Variants in TNC observed in about 807,000 individuals in gnomAD.
The protein encoded by TNC is tenascin C.
A neutral mutation model predicts 202.4 loss-of-function variants in TNC; 109 were observed. That is an observed-to-expected ratio of 0.54 (90% CI 0.46 to 0.63). The LOEUF (loss-of-function observed/expected upper bound fraction) is 0.63. Among genes scored for constraint, TNC ranks in the 30% least tolerant of loss-of-function variants. The pLI is 0.00. For synonymous variants in TNC, 1,007 were observed against 1,089.7 expected, an observed-to-expected ratio of 0.92 and a Z score of 1.50; for missense variants, 2,756 against 2,833.3, an observed-to-expected ratio of 0.97 and a Z score of 0.62.
At chr9:115,116,178 G>A (rs1253578566) in intron 1 of TNC, among the ~76,000 whole-genome samples, 2 of 152,184 alleles carry the variant, frequency 1.3e-5, no homozygotes, top group Non-Finnish European at 2.9e-5. Context: ...AGTGGGGAAG[G>A]AGGAGGTTAG....
Position 115,057,187 on chromosome 9 carries a change from G to T in TNC, c.4545C>A (p.Ile1515=). 6.2e-7 allele frequency: 1 copy of T among 1,613,876 alleles called. No homozygotes were observed. Among genetic ancestry groups the T allele is most frequent in the Non-Finnish European group, 8.5e-7 (1 of 1,179,886 alleles). The change falls in exon 15 of 28, where the codon ATC becomes ATA. Residue 1515 remains isoleucine, a synonymous_variant. Transcript: ENST00000350763. ...IVYLSGLAPS[I]RTKTISATAT... ...CTGTGGCACTGATGGTTTTGGTCCG[G>T]ATGCTGGGAGCAAGTCCAGAGAGGT... is the stretch of plus-strand genomic sequence containing the variant.
At chr9:115,039,166 T>C (rs1438715188) in intron 19 of TNC, among the ~76,000 whole-genome samples, 5 of 152,174 alleles carry the variant, frequency 3.3e-5, no homozygotes, top group African/African-American at 1.2e-4. Context: ...TATTTCTCCT[T>C]AGATGGCTTG....
At chr9:115,100,925 A>C (rs1003012498) in intron 1 of TNC, among the ~76,000 whole-genome samples, 4 of 152,240 alleles carry the variant, frequency 2.6e-5, no homozygotes, top group African/African-American at 9.6e-5. Flanking sequence ...AATGCATATG[A>C]AAGTCTTTCA....
intron 14 of TNC, among the ~76,000 whole-genome samples, chr9:115,058,738 A>T (rs1187246619): frequency 2.0e-5 from 3 of 152,218 alleles, no homozygotes; most frequent in Non-Finnish European, 2.9e-5. Flanking sequence ...ATAATTATTT[A>T]AAAAGGGGAG....
chr9:115,053,475 G>A (rs1270206196), intron 15 of TNC, among the ~76,000 whole-genome samples: 1 of 152,192 alleles, frequency 6.6e-6, no homozygotes, highest in Non-Finnish European at 1.5e-5. Flanking sequence ...GATTCACAAG[G>A]TGGGTTTGCA....
At chr9:115,071,121 C>T (rs902394581) in intron 10 of TNC, among the ~76,000 whole-genome samples, 1 of 152,112 alleles carries the variant, frequency 6.6e-6, no homozygotes, top group Non-Finnish European at 1.5e-5. Flanking sequence ...CTCTAGTAAC[C>T]CCAGAACTTA....
chr9:115,090,441 G>GAACACTCT (rs1835131261), intron 2 of TNC, 121 bp downstream of exon 2: 3 of 755,290 alleles, frequency 4.0e-6, no homozygotes. Context: ...TCTTTGTAAT[G>GAACACTCT]AACACTCTGG....
chr9:115,020,963 T>C lies in TNC; in HGVS notation c.*194A>G. On this transcript the variant is annotated 3_prime_UTR_variant, in exon 28 of 28. Coordinates refer to ENST00000350763, the MANE Select transcript of TNC (RefSeq NM_002160.4). ...GAAACATGTTGGAGACTGATGTCTT[T>C]GGTGCAAAGAAAGAAATCACAGAGG... 1 of 552,738 alleles carries C rather than the reference T, an allele frequency of 1.8e-6. No homozygotes were observed. The highest frequency in any genetic ancestry group is 2.9e-5 in the East Asian group (1 of 34,142). 34.2% of individuals were successfully genotyped at this position (552,738 alleles called of 1,614,324 possible). A position where few individuals can be genotyped will look rare whatever the true frequency, so the allele number is the denominator to read the frequency against.
chr9:115,104,521 T>C (rs1202981468), intron 1 of TNC, among the ~76,000 whole-genome samples: 4 of 152,224 alleles, frequency 2.6e-5, no homozygotes, highest in African/African-American at 9.6e-5. Context: ...GACCAATTTC[T>C]ACTTATCTGC....
intron 9 of TNC, among the ~76,000 whole-genome samples, chr9:115,075,350 C>T (rs1056015047): frequency 2.6e-5 from 4 of 152,106 alleles, no homozygotes; most frequent in Non-Finnish European, 5.9e-5. Flanking sequence ...ATCTGCTTGA[C>T]AGGGGTATAA....
chr9:115,051,321 T>TA (rs566140649), intron 15 of TNC, among the ~76,000 whole-genome samples: 1 of 151,968 alleles, frequency 6.6e-6, no homozygotes, highest in Non-Finnish European at 1.5e-5. Context: ...CGATCACATC[T>TA]AAAAAAACCA....
chr9:115,040,122 T>C (rs1830618937), intron 19 of TNC, among the ~76,000 whole-genome samples: 1 of 152,244 alleles, frequency 6.6e-6, no homozygotes, highest in African/African-American at 2.4e-5. Context: ...TTTTCCCCTC[T>C]TTACAGTGTA....
chr9:115,020,735 A>G lies in TNC; in HGVS notation c.*422T>C. ...TGTTGTATGAAATGTAAAAAAAGGGATGGCTTCCAATGACACATTTAATCT... is the reference window on the plus strand; with the variant it reads ...TGTTGTATGAAATGTAAAAAAAGGGGTGGCTTCCAATGACACATTTAATCT... On this transcript the variant is annotated 3_prime_UTR_variant, in exon 28 of 28. Transcript: ENST00000350763. The G allele has an allele frequency of 3.7e-6, 1 of 272,732 alleles. No individual in the cohort carries two copies. The highest frequency in any genetic ancestry group is 4.4e-5 in the Admixed American group (1 of 22,720). The allele number at this position is 272,732 out of a possible 1,614,324, so 16.9% of individuals were successfully genotyped here. A position where few individuals can be genotyped will look rare whatever the true frequency, so the allele number is the denominator to read the frequency against.
At chr9:115,109,102 C>G (rs563687054) in intron 1 of TNC, among the ~76,000 whole-genome samples, 1 of 152,272 alleles carries the variant, frequency 6.6e-6, no homozygotes, top group East Asian at 1.9e-4. Flanking sequence ...AAGTGTTTCC[C>G]AAACTCATTT....
At chr9:115,023,138 A>G (rs12342978) in intron 27 of TNC, among the ~76,000 whole-genome samples, 22,254 of 152,046 alleles carry the variant, frequency 0.15, 1,748 homozygotes, top group Middle Eastern at 0.2. Context: ...GCATTTTTAT[A>G]AAGTCCTTGG....
At chr9:115,050,426 C>A (rs1001908764) in intron 15 of TNC, among the ~76,000 whole-genome samples, 5 of 152,066 alleles carry the variant, frequency 3.3e-5, no homozygotes, top group African/African-American at 1.2e-4. Flanking sequence ...GGATCTGTGG[C>A]CATTTCTCCC....
chr9:115,049,993 G>A lies in TNC; in HGVS notation c.4580-1461C>T, dbSNP rs554901959. 3.2e-4 allele frequency among the ~76,000 whole-genome samples: 49 copies of A among 152,180 alleles called. No homozygotes were observed. The South Asian group carries it at 9.6e-3, about 30-fold the overall frequency. On this transcript the variant is annotated intron_variant, in intron 15 of 27. Transcript: ENST00000350763. ...TTTATTCTGAGGCAGTTTTTTCCAC[G>A]TAAAGATTTCCCAAGAATCATAATT...
At chr9:115,112,436 A>C (rs1837149334) in intron 1 of TNC, among the ~76,000 whole-genome samples, 2 of 152,162 alleles carry the variant, frequency 1.3e-5, no homozygotes, top group Non-Finnish European at 2.9e-5. Flanking sequence ...TCATTGAAAT[A>C]AGGTTGAGGG....
intron 1 of TNC, among the ~76,000 whole-genome samples, chr9:115,117,691 A>T (rs1051416261): frequency 2.6e-5 from 4 of 152,214 alleles, no homozygotes; most frequent in African/African-American, 9.7e-5. Context: ...GTAGGAGAGC[A>T]GTTGAAGAGA....
Sources: allele counts gnomAD v4.1 joint callset (sites outside exome capture counted in the v4.1 genomes callset), GRCh38; gene constraint gnomAD v4.1.1; transcripts MANE v1.5; gene names NCBI Gene and HGNC (gene_info 2026-07-23, HGNC 2026-07-21).